The following PLIN2 variants were observed in gnomAD, a reference collection of about 807,000 sequenced individuals.
PLIN2 encodes the protein perilipin-2.
A neutral mutation model predicts 30.6 loss-of-function variants in PLIN2; 33 were observed. The observed-to-expected ratio is 1.08, with a 90% CI of 0.82 to 1.44. PLIN2 has a LOEUF of 1.44. Among genes scored for constraint, PLIN2 ranks in the 40% most tolerant of loss-of-function variants. The probability of loss-of-function intolerance (pLI) is 0.00; values close to 1 mark genes in which losing one functional copy is unlikely to be tolerated. For missense variants in PLIN2, 610 were observed against 531.8 expected (o/e 1.15, Z -1.45); for synonymous variants, 205 against 201.1 (o/e 1.02, Z -0.16).
chr9:19,109,426 C>T (rs1818130242), intron 2 of PLIN2, among the ~76,000 whole-genome samples: 1 of 151,618 alleles, frequency 6.6e-6, no homozygotes, highest in Non-Finnish European at 1.5e-5. Flanking sequence ...TGGTGGCATG[C>T]CCCTGTAGCC....
rs764667323 is a variant in PLIN2 at position 19,116,401 on chromosome 9, G to A, written c.1161C>T (p.Asp387=). 99 of 1,614,206 alleles carry A rather than the reference G, an allele frequency of 6.1e-5. No homozygotes were observed. Among genetic ancestry groups the A allele is most frequent in the Admixed American group, 8.3e-5 (5 of 60,012 alleles). Residue 387 remains aspartate (D), a synonymous_variant, in exon 8 of 8, where the codon GAC becomes GAT. Transcript: ENST00000276914. ...QLQKMKESLD[D]VMDYLVNNTP... The stretch of plus-strand genomic sequence containing the variant: ...TGTTGTTAACAAGATAATCCATCAC[G>A]TCATCTAAAGATTCCTTCATTTTCT...
At chr9:19,126,868 C>T (rs192235961) in intron 1 of PLIN2, among the ~76,000 whole-genome samples, 1 of 152,020 alleles carries the variant, frequency 6.6e-6, no homozygotes, top group South Asian at 2.1e-4. Flanking sequence ...GTGGTGAAAC[C>T]CCGTCTCTTC....
At chr9:19,118,499 T>G (rs1027192637) in intron 6 of PLIN2, 44 bp from the exon 7 acceptor site, 11 of 1,582,830 alleles carry the variant, frequency 6.9e-6, no homozygotes, top group Non-Finnish European at 9.5e-6. Context: ...AAGTCAGATA[T>G]TCACGTTAGC....
At chr9:19,117,286 G>A (rs962687911) in intron 7 of PLIN2, among the ~76,000 whole-genome samples, 10 of 151,966 alleles carry the variant, frequency 6.6e-5, no homozygotes, top group Middle Eastern at 3.4e-3. Context: ...TCAGCCTCTC[G>A]AGCAACTAGG....
downstream of PLIN2, among the ~76,000 whole-genome samples, chr9:19,111,317 G>C (rs530552643): frequency 1.7e-4 from 26 of 152,276 alleles, no homozygotes; most frequent in Middle Eastern, 3.4e-3. Flanking sequence ...CAAAGTGCTA[G>C]GATTACAGGC....
At chr9:19,110,539 A>C (rs1818146590) in intron 2 of PLIN2, among the ~76,000 whole-genome samples, 1 of 151,954 alleles carries the variant, frequency 6.6e-6, no homozygotes, top group Non-Finnish European at 1.5e-5. Context: ...GCAGTGGTGC[A>C]AACTCGGTTC....
intron 2 of PLIN2, among the ~76,000 whole-genome samples, chr9:19,110,349 A>G (rs570014483): frequency 6.6e-6 from 1 of 152,216 alleles, no homozygotes; most frequent in Admixed American, 6.5e-5. Flanking sequence ...TTTAATAGGT[A>G]CAGAATTTGT....
chr9:19,126,563 G>A (rs1006095084), intron 1 of PLIN2, 115 bp from the exon 2 acceptor site: 3 of 695,654 alleles, frequency 4.3e-6, no homozygotes, highest in Admixed American at 4.9e-5. Context: ...GCTCCCTGTA[G>A]TCTTCTGCAC....
chr9:19,120,211 A>G (rs536321389), intron 5 of PLIN2, among the ~76,000 whole-genome samples: 1 of 152,048 alleles, frequency 6.6e-6, no homozygotes, highest in South Asian at 2.1e-4. Context: ...GGAACAAGCC[A>G]CCATGCCCAG....
At chr9:19,109,967 A>C (rs921132977) in intron 2 of PLIN2, among the ~76,000 whole-genome samples, 1 of 151,994 alleles carries the variant, frequency 6.6e-6, no homozygotes, top group Non-Finnish European at 1.5e-5. Flanking sequence ...AGGAAAAAAA[A>C]AAAAATCCCT....
chr9:19,125,282 G>C (rs1184810831), intron 3 of PLIN2, among the ~76,000 whole-genome samples: 1 of 152,210 alleles, frequency 6.6e-6, no homozygotes, highest in African/African-American at 2.4e-5. Context: ...GCCAGGCATG[G>C]TGGCTCACAC....
intron 5 of PLIN2, 56 bp from the exon 6 acceptor site, chr9:19,119,887 A>G: frequency 8.8e-7 from 1 of 1,133,056 alleles, no homozygotes; most frequent in Non-Finnish European, 1.3e-6. Flanking sequence ...ACAAGTGATA[A>G]GGCCTGGACT....
intron 6 of PLIN2, 70 bp downstream of exon 6, chr9:19,119,580 T>C (rs961937500): frequency 5.6e-6 from 5 of 900,368 alleles, no homozygotes; most frequent in Non-Finnish European, 8.2e-6. Context: ...GATTTTGTGA[T>C]TACATTTAAT....
At chr9:19,123,357 A>G (rs906034262) in intron 4 of PLIN2, 8 of 1,550,346 alleles carry the variant, frequency 5.2e-6, no homozygotes, top group Middle Eastern at 1.7e-4. Context: ...TTTCTAATCC[A>G]AAGGAGGCTA....
chr9:19,110,751 C>T (rs568107788), intron 2 of PLIN2, among the ~76,000 whole-genome samples: 1 of 152,352 alleles, frequency 6.6e-6, no homozygotes, highest in African/African-American at 2.4e-5. Flanking sequence ...GCTGGGATTA[C>T]AGGCATGAGC....
At chr9:19,116,922 T>G (rs1185013600) in intron 7 of PLIN2, among the ~76,000 whole-genome samples, 1 of 152,190 alleles carries the variant, frequency 6.6e-6, no homozygotes, top group Non-Finnish European at 1.5e-5. Flanking sequence ...CATCTTAAAC[T>G]GAAGAAACAT....
chr9:19,113,775 T>TA (rs1564028378), downstream of PLIN2, among the ~76,000 whole-genome samples: 1 of 120,060 alleles, frequency 8.3e-6, no homozygotes, highest in African/African-American at 3.2e-5. Context: ...TTATTTTTGG[T>TA]TTTTTTTTTT....
chr9:19,126,252 A>C lies in PLIN2; in HGVS notation c.88T>G (p.Ser30Ala). 1 of 1,614,174 alleles carries C rather than the reference A, an allele frequency of 6.2e-7. No individual in the cohort carries two copies. Among genetic ancestry groups the C allele is most frequent in the Non-Finnish European group, 8.5e-7 (1 of 1,180,018 alleles). Residue 30 changes from serine to alanine, a missense_variant, in exon 3 of 8, where the codon TCC becomes GCC. By Grantham distance (99) the Ser-to-Ala change is moderately conservative. Coordinates refer to ENST00000276914, the MANE Select transcript of PLIN2 (RefSeq NM_001122.4). Reference sequence around the variant, plus strand: ...TCCTTTGTACTGAGATAGGCTGAGGACATGAGGTCATACGTGGAGCTCACC... The same window carrying C: ...TCCTTTGTACTGAGATAGGCTGAGGCCATGAGGTCATACGTGGAGCTCACC... Reference protein sequence around the residue: ...PLVSSTYDLMSSAYLSTKDQY... With the variant: ...PLVSSTYDLMASAYLSTKDQY...
downstream of PLIN2, among the ~76,000 whole-genome samples, chr9:19,111,947 T>G (rs1025693616): frequency 1.4e-4 from 21 of 152,152 alleles, no homozygotes; most frequent in Non-Finnish European, 2.9e-4. Context: ...GTGGATGTAT[T>G]TTCCTAACCA....
Sources: allele counts gnomAD v4.1 joint callset (sites outside exome capture counted in the v4.1 genomes callset), GRCh38; gene constraint gnomAD v4.1.1; transcripts MANE v1.5; gene names NCBI Gene and HGNC (gene_info 2026-07-23, HGNC 2026-07-21).